PEBP4: variants seen among roughly 807,000 people sequenced by gnomAD.
The protein encoded by PEBP4 is phosphatidylethanolamine binding protein 4.
In PEBP4, 22 loss-of-function variants were observed where a neutral mutation model predicts 23.9. The ratio of observed to expected loss-of-function variants is 0.92; its 90% confidence interval spans 0.66 to 1.31. PEBP4 has a LOEUF of 1.31. PEBP4 is among the 40% of genes most tolerant of loss of function. PEBP4 has a pLI of 0.00. For synonymous variants in PEBP4, 112 were observed against 99.3 expected, an observed-to-expected ratio of 1.13 and a Z score of -0.76; for missense variants, 324 against 281.7, an observed-to-expected ratio of 1.15 and a Z score of -1.07.
intron 3 of PEBP4, chr8:22,897,940 A>G (rs1251681031): frequency 6.6e-6 from 1 of 152,250 alleles, no homozygotes; most frequent in Non-Finnish European, 1.5e-5. Context: ...AAAAGACCCC[A>G]GAGACCTCAC....
intron 4 of PEBP4, among the ~76,000 whole-genome samples, chr8:22,742,066 C>T (rs1047639707): frequency 6.6e-6 from 1 of 152,162 alleles, no homozygotes; most frequent in African/African-American, 2.4e-5. Context: ...AGGGCCTCAC[C>T]CTCGAAGCTA....
chr8:22,882,401 A>C (rs1053588416), intron 3 of PEBP4, among the ~76,000 whole-genome samples: 1 of 152,166 alleles, frequency 6.6e-6, no homozygotes, highest in Non-Finnish European at 1.5e-5. Context: ...TCCCAGTTGA[A>C]GGGAGGTGGG....
chr8:22,776,272 C>A (rs1162838976), intron 4 of PEBP4, among the ~76,000 whole-genome samples: 14 of 152,202 alleles, frequency 9.2e-5, no homozygotes, highest in Non-Finnish European at 2.1e-4. Flanking sequence ...CTTCCCTTTC[C>A]CCTTTCTTCA....
At chr8:22,753,883 G>A (rs112137774) in intron 4 of PEBP4, among the ~76,000 whole-genome samples, 13 of 152,354 alleles carry the variant, frequency 8.5e-5, no homozygotes, top group African/African-American at 2.6e-4. Flanking sequence ...GGGGAACAGA[G>A]CACATCTGTC....
At chr8:22,763,463 G>A (rs1585260012) in intron 4 of PEBP4, among the ~76,000 whole-genome samples, 1 of 152,034 alleles carries the variant, frequency 6.6e-6, no homozygotes, top group Non-Finnish European at 1.5e-5. Flanking sequence ...ACGTGTTTAC[G>A]AGCAGTGAAT....
intron 3 of PEBP4, among the ~76,000 whole-genome samples, chr8:22,880,301 T>C (rs1378670979): frequency 6.6e-6 from 1 of 152,210 alleles, no homozygotes; most frequent in Non-Finnish European, 1.5e-5. Flanking sequence ...TGCCATTTAC[T>C]TCACAGGGCT....
At chr8:22,846,074 C>A (rs564417197) in intron 3 of PEBP4, among the ~76,000 whole-genome samples, 2 of 152,346 alleles carry the variant, frequency 1.3e-5, no homozygotes, top group Admixed American at 6.5e-5. Flanking sequence ...TTCTTCTATG[C>A]GGACCTCCAT....
intron 3 of PEBP4, among the ~76,000 whole-genome samples, chr8:22,892,792 T>G (rs1808519209): frequency 1.3e-5 from 2 of 152,056 alleles, no homozygotes; most frequent in Non-Finnish European, 2.9e-5. Context: ...CTTCAGGCAG[T>G]GTGGGGCAGT....
chr8:22,848,586 A>G (rs1474372359), intron 3 of PEBP4, among the ~76,000 whole-genome samples: 3 of 152,184 alleles, frequency 2.0e-5, no homozygotes, highest in Non-Finnish European at 2.9e-5. Context: ...TCCCATGCAC[A>G]TGGTCAAATT....
At chr8:22,728,613 C>CCCT (rs1563196431) in intron 4 of PEBP4, among the ~76,000 whole-genome samples, 1 of 100,998 alleles carries the variant, frequency 9.9e-6, no homozygotes, top group African/African-American at 5.8e-5. Context: ...CCTTCCTTCC[C>CCCT]TTTTTTTGGA....
intron 4 of PEBP4, among the ~76,000 whole-genome samples, chr8:22,795,697 T>C (rs1806238293): frequency 6.6e-6 from 1 of 152,232 alleles, no homozygotes; most frequent in African/African-American, 2.4e-5. Flanking sequence ...TTGGGGAATG[T>C]TGATTTGTGA....
chr8:22,755,715 T>C (rs1032588413), intron 4 of PEBP4: 1 of 152,240 alleles, frequency 6.6e-6, no homozygotes, highest in Non-Finnish European at 1.5e-5. Context: ...CATTTATTGT[T>C]CTTTTTTTTC....
chr8:22,765,112 T>C (rs954042125), intron 4 of PEBP4, among the ~76,000 whole-genome samples: 1 of 101,762 alleles, frequency 9.8e-6, no homozygotes, highest in African/African-American at 3.6e-5. Context: ...TTCCTTCCTT[T>C]ATTTCTTCCT....
At position 22,936,570 on chromosome 8, in the gene PEBP4, C is replaced by T. The variant is rs149646612; in HGVS notation, c.145-8850G>A. On this transcript the variant is annotated intron_variant, in intron 1 of 1. Transcript: ENST00000522278. Reference sequence around the variant, plus strand: ...TCATCCTTCTCAAACTCTTCCAAAACATTGGAGAGAATACTCCCTGACTCA... The same window carrying T: ...TCATCCTTCTCAAACTCTTCCAAAATATTGGAGAGAATACTCCCTGACTCA... Among the ~76,000 whole-genome samples the T allele has an allele frequency of 5.9e-3, 894 of 152,270 alleles. 8 individuals are homozygous for T. The highest frequency in any genetic ancestry group is 0.021 in the African/African-American group (863 of 41,560).
chr8:22,940,490 C>CTTTTTTTTTTTTTT lies in PEBP4; in HGVS notation c.145-12784_145-12771dup, dbSNP rs761722562. 2.7e-5 allele frequency among the ~76,000 whole-genome samples: 3 copies of CTTTTTTTTTTTTTT among 110,052 alleles called. 1 individual carries two copies. Among genetic ancestry groups the CTTTTTTTTTTTTTT allele is most frequent in the Non-Finnish European group, 5.3e-5 (3 of 56,710 alleles). The allele number at this position is 110,052 out of a possible 152,430, so 72.2% of individuals were successfully genotyped here. On this transcript the variant is annotated intron_variant, in intron 1 of 1. Transcript: ENST00000522278. ...AACACCACCTTTACCATGAATTTCT[C>CTTTTTTTTTTTTTT]TTTTTTTTTTTTTTTCGAGACGGAG...
chr8:22,935,945 T>C (rs1746158892), intron 1 of PEBP4, among the ~76,000 whole-genome samples: 1 of 151,004 alleles, frequency 6.6e-6, no homozygotes, highest in Non-Finnish European at 1.5e-5. Flanking sequence ...CATTGAGAAG[T>C]TGTAAATGCT....
intron 6 of PEBP4, among the ~76,000 whole-genome samples, chr8:22,714,975 C>T (rs1381908067): frequency 6.6e-6 from 1 of 152,228 alleles, no homozygotes; most frequent in African/African-American, 2.4e-5. Context: ...ACACATAATT[C>T]GCTTAATCCT....
intron 3 of PEBP4, among the ~76,000 whole-genome samples, chr8:22,830,957 T>G (rs910102491): frequency 1.3e-5 from 2 of 152,262 alleles, no homozygotes; most frequent in African/African-American, 2.4e-5. Context: ...CTGGCTTCCC[T>G]TGGATCCTTA....
intron 3 of PEBP4, among the ~76,000 whole-genome samples, chr8:22,818,509 T>C (rs914711998): frequency 6.6e-6 from 1 of 150,730 alleles, no homozygotes; most frequent in Admixed American, 6.6e-5. Flanking sequence ...AGGGGGAGGG[T>C]GGACATGGCA....
Sources: allele counts gnomAD v4.1 joint callset (sites outside exome capture counted in the v4.1 genomes callset), GRCh38; gene constraint gnomAD v4.1.1; transcripts MANE v1.5; gene names NCBI Gene and HGNC (gene_info 2026-07-23, HGNC 2026-07-21).